DLG2: variants seen among roughly 807,000 people sequenced by gnomAD.
DLG2 encodes the protein disks large homolog 2.
Under a neutral mutation model 132.5 loss-of-function variants are expected in DLG2, and 45 were observed. That is an observed-to-expected ratio of 0.34 (90% CI 0.27 to 0.44). The LOEUF is 0.44. Among genes scored for constraint, DLG2 ranks in the 20% least tolerant of loss-of-function variants. The pLI, the probability that DLG2 is intolerant of heterozygous loss-of-function variation, is 1.00. For missense variants in DLG2, 1,045 were observed against 1,196.9 expected, an observed-to-expected ratio of 0.87 and a Z score of 1.87; for synonymous variants, 424 against 419.6, an observed-to-expected ratio of 1.01 and a Z score of -0.13.
At chr11:83,587,893 A>G (rs2097116088) in intron 19 of DLG2, among the ~76,000 whole-genome samples, 1 of 152,170 alleles carries the variant, frequency 6.6e-6, no homozygotes, top group Admixed American at 6.5e-5. Flanking sequence ...CGGCACCTGG[A>G]AAATCAGGTC....
intron 5 of DLG2, among the ~76,000 whole-genome samples, chr11:85,136,905 T>C (rs1378199463): frequency 6.6e-6 from 1 of 152,080 alleles, no homozygotes; most frequent in Non-Finnish European, 1.5e-5. Context: ...ACAGCTCTAG[T>C]TATGCTATTT....
intron 8 of DLG2, among the ~76,000 whole-genome samples, chr11:84,238,225 C>T (rs2154341047): frequency 6.6e-6 from 1 of 151,978 alleles, no homozygotes; most frequent in African/African-American, 2.4e-5. Flanking sequence ...AATTTAAAAG[C>T]CCAGCAAGGC....
intron 9 of DLG2, among the ~76,000 whole-genome samples, chr11:84,151,200 C>CT (rs1381706947): frequency 2.4e-3 from 335 of 142,434 alleles, no homozygotes; most frequent in Middle Eastern, 7.3e-3. Context: ...GTAAGATTGG[C>CT]TTTTTTTTTT....
At chr11:85,425,045 C>CAAAAA (rs57698826) in intron 3 of DLG2, among the ~76,000 whole-genome samples, 3 of 151,322 alleles carry the variant, frequency 2.0e-5, no homozygotes, top group South Asian at 2.1e-4. Flanking sequence ...AACAAAAAAA[C>CAAAAA]AAACCCACCA....
chr11:85,352,440 C>T (rs1190965794), intron 3 of DLG2, among the ~76,000 whole-genome samples: 1 of 151,996 alleles, frequency 6.6e-6, no homozygotes, highest in African/African-American at 2.4e-5. Context: ...TTATTTCTTG[C>T]CTTCTGCTAG....
At chr11:85,120,460 A>T (rs1241938184) in intron 5 of DLG2, among the ~76,000 whole-genome samples, 4 of 152,086 alleles carry the variant, frequency 2.6e-5, no homozygotes, top group South Asian at 2.1e-4. Context: ...GAAAGGGAGG[A>T]AGAGTTTATT....
At chr11:84,757,841 T>C (rs551290891) in intron 6 of DLG2, among the ~76,000 whole-genome samples, 2 of 152,310 alleles carry the variant, frequency 1.3e-5, no homozygotes, top group Non-Finnish European at 2.9e-5. Context: ...GCCAAGTCTA[T>C]CCCGTGCAGC....
chr11:84,696,511 T>C (rs1431204764), intron 6 of DLG2, among the ~76,000 whole-genome samples: 1 of 151,412 alleles, frequency 6.6e-6, no homozygotes, highest in African/African-American at 2.4e-5. Flanking sequence ...AATTCCCCTT[T>C]AGCTAAGTTC....
intron 7 of DLG2, among the ~76,000 whole-genome samples, chr11:84,395,735 G>T (rs2098808780): frequency 6.6e-6 from 1 of 152,160 alleles, no homozygotes; most frequent in South Asian, 2.1e-4. Flanking sequence ...CAGTGTATAT[G>T]TACCTCAAAA....
At chr11:83,602,754 A>G (rs939468365) in intron 19 of DLG2, among the ~76,000 whole-genome samples, 1 of 152,228 alleles carries the variant, frequency 6.6e-6, no homozygotes, top group Non-Finnish European at 1.5e-5. Context: ...GAAAAAATGA[A>G]GAGAGAACCT....
rs188275400 is a variant in DLG2 at position 83,842,508 on chromosome 11, C to T, written c.1566-8738G>A. On this transcript the variant is annotated intron_variant, in intron 16 of 27. Transcript: ENST00000376104. Reference sequence around the variant, plus strand: ...GCTCAGGAGGCTGAGGCAGGAGAATCGCTTGAACCTGTCTCAAAAAAAAAA... The same window carrying T: ...GCTCAGGAGGCTGAGGCAGGAGAATTGCTTGAACCTGTCTCAAAAAAAAAA... 5.1e-4 allele frequency among the ~76,000 whole-genome samples: 59 copies of T among 115,294 alleles called. No homozygotes were observed. The East Asian group carries it at 0.011, about 22-fold the overall frequency. The allele number at this position is 115,294 out of a possible 152,430, so 75.6% of individuals were successfully genotyped here. A position where few individuals can be genotyped will look rare whatever the true frequency, so the allele number is the denominator to read the frequency against.
rs564639108 is a variant in DLG2, at chr11:85,614,789, A to C, written c.-93+11798T>G. On this transcript the variant is annotated intron_variant, in intron 2 of 27. Coordinates refer to ENST00000376104, the MANE Select transcript of DLG2 (RefSeq NM_001142699.3). Reference sequence around the variant, plus strand: ...CTTCAAAAGAATCCTAAGAACTACTACTATATACATTTTCACAAATGGGGA... The same window carrying C: ...CTTCAAAAGAATCCTAAGAACTACTCCTATATACATTTTCACAAATGGGGA... Among the ~76,000 whole-genome samples the C allele has an allele frequency of 8.7e-4, 132 of 152,356 alleles. 1 individual carries two copies. The highest frequency in any genetic ancestry group is 1.6e-3 in the Non-Finnish European group (110 of 68,030).
intron 17 of DLG2, among the ~76,000 whole-genome samples, chr11:83,832,380 TACA>T (rs1241635991): frequency 4.6e-5 from 7 of 152,214 alleles, no homozygotes; most frequent in Non-Finnish European, 5.9e-5. Context: ...CATAAGTATG[TACA>T]ACTTTTTCTA....
intron 7 of DLG2, among the ~76,000 whole-genome samples, chr11:84,525,494 T>C (rs2099317563): frequency 6.6e-6 from 1 of 152,178 alleles, no homozygotes; most frequent in Admixed American, 6.5e-5. Flanking sequence ...TCTTTTTAAA[T>C]AAGCCTTCTA....
At chr11:84,161,734 G>A (rs982908925) in intron 9 of DLG2, among the ~76,000 whole-genome samples, 1 of 152,170 alleles carries the variant, frequency 6.6e-6, no homozygotes, top group African/African-American at 2.4e-5. Flanking sequence ...CATGAGACCT[G>A]TTCAGTTGCA....
At chr11:85,425,119 T>A (rs577816724) in intron 3 of DLG2, among the ~76,000 whole-genome samples, 1 of 152,286 alleles carries the variant, frequency 6.6e-6, no homozygotes, top group East Asian at 1.9e-4. Context: ...AGATTGTAAA[T>A]TACAGAAAGC....
At chr11:84,514,055 G>T (rs2099265013) in intron 7 of DLG2, among the ~76,000 whole-genome samples, 1 of 152,000 alleles carries the variant, frequency 6.6e-6, no homozygotes, top group South Asian at 2.1e-4. Context: ...TTTCTCAAAA[G>T]AAGCCATGCA....
At chr11:83,877,565 A>T (rs11233772) in intron 15 of DLG2, among the ~76,000 whole-genome samples, 11,200 of 152,196 alleles carry the variant, frequency 0.074, 542 homozygotes, top group African/African-American at 0.13. Flanking sequence ...TCCTCTTTAA[A>T]GTTTTAGCGA....
At chr11:83,847,132 T>C (rs1278537252) in intron 16 of DLG2, among the ~76,000 whole-genome samples, 1 of 152,140 alleles carries the variant, frequency 6.6e-6, no homozygotes, top group Non-Finnish European at 1.5e-5. Flanking sequence ...ATAACAGGAA[T>C]AATTTTAGCA....
Sources: gnomAD v4.1 joint callset for allele counts (sites outside exome capture counted in the v4.1 genomes callset) on GRCh38, gnomAD v4.1.1 for gene constraint, MANE v1.5 for transcripts, NCBI Gene and HGNC (gene_info 2026-07-23, HGNC 2026-07-21) for gene names.